Variants in SKAP2 observed in about 807,000 individuals in gnomAD.
The protein encoded by SKAP2 is src kinase associated phosphoprotein 2.
A neutral mutation model predicts 54.9 loss-of-function variants in SKAP2; 28 were observed. The ratio of observed to expected loss-of-function variants is 0.51; its 90% CI spans 0.38 to 0.70. The LOEUF (loss-of-function observed/expected upper bound fraction) is 0.70, where lower values mean the gene tolerates loss of function less well. Among genes scored for constraint, SKAP2 ranks in the 30% least tolerant of loss-of-function variants. The pLI is 0.00. For synonymous variants in SKAP2, 137 were observed against 134.3 expected (o/e 1.02, Z -0.14); for missense variants, 356 against 424.1 (o/e 0.84, Z 1.41).
At chr7:26,689,787 T>C (rs1278800814) in intron 10 of SKAP2, among the ~76,000 whole-genome samples, 2 of 152,224 alleles carry the variant, frequency 1.3e-5, no homozygotes, top group Non-Finnish European at 2.9e-5. Context: ...AGAGCCTGTG[T>C]CAAGTTGACC....
At position 26,864,444 on chromosome 7, in the gene SKAP2, G is replaced by A. The variant is rs1175248145; in HGVS notation, c.-15C>T. The stretch of plus-strand genomic sequence containing the variant: ...GGGTTGGGCATGTTAGGGAGCGCAG[G>A]GCGTGCGGGGAAAGGACCTGCGCTG... On this transcript the variant is annotated 5_prime_UTR_variant, in exon 1 of 13. Transcript: ENST00000345317. The A allele has an allele frequency of 3.8e-6, 6 of 1,595,646 alleles. No individual in the cohort carries two copies. The African/African-American group carries it at 8.1e-5, about 22-fold the overall frequency.
intron 1 of SKAP2, 84 bp downstream of exon 1, chr7:26,864,279 G>C (rs985147489): frequency 6.5e-7 from 1 of 1,532,578 alleles, no homozygotes. Flanking sequence ...GGAGGATAAG[G>C]GCTCTGAATG....
intron 4 of SKAP2, among the ~76,000 whole-genome samples, chr7:26,797,187 G>A (rs949639394): frequency 6.6e-6 from 1 of 152,224 alleles, no homozygotes; most frequent in African/African-American, 2.4e-5. Flanking sequence ...GCTAATTGTA[G>A]AGCCCCAGGG....
chr7:26,831,781 T>C (rs1360220236), intron 4 of SKAP2, among the ~76,000 whole-genome samples: 3 of 152,082 alleles, frequency 2.0e-5, no homozygotes, highest in African/African-American at 4.8e-5. Context: ...AACTACTATG[T>C]TTCATTTTTA....
intron 4 of SKAP2, among the ~76,000 whole-genome samples, chr7:26,757,166 CTT>C (rs1478917393): frequency 1.3e-5 from 2 of 152,242 alleles, no homozygotes; most frequent in East Asian, 1.9e-4. Flanking sequence ...TGCAGAAGCT[CTT>C]GAGTTTAATT....
chr7:26,685,865 A>G (rs1786627650), intron 10 of SKAP2, among the ~76,000 whole-genome samples: 1 of 152,222 alleles, frequency 6.6e-6, no homozygotes, highest in Middle Eastern at 3.2e-3. Context: ...AATATCAATA[A>G]GATGTCCGTG....
At chr7:26,746,753 C>T (rs1782567543) in intron 4 of SKAP2, 1 of 151,694 alleles carries the variant, frequency 6.6e-6, no homozygotes, top group African/African-American at 2.4e-5. Context: ...AATATATCCA[C>T]ACTACTATTT....
Position 26,670,955 on chromosome 7 carries a change from T to C in SKAP2, c.988-763A>G, listed in dbSNP as rs1170274808. ...TATCTCAAGGTATAAAGGCAAAATA[T>C]TAATCTACCTCTAAAACAGAGTGGT... is the stretch of plus-strand genomic sequence containing the variant. On this transcript the variant is annotated intron_variant, in intron 11 of 12. Transcript: ENST00000345317. Among the ~76,000 whole-genome samples the C allele has an allele frequency of 3.3e-5, 5 of 152,032 alleles. No homozygotes were observed. The East Asian group carries it at 7.7e-4, about 23-fold the overall frequency.
At chr7:26,671,623 C>T (rs1409833273) in intron 11 of SKAP2, among the ~76,000 whole-genome samples, 4 of 151,920 alleles carry the variant, frequency 2.6e-5, no homozygotes, top group Admixed American at 1.3e-4. Flanking sequence ...GAAAAGACCA[C>T]TCCTGCTATT....
intron 4 of SKAP2, 37 bp downstream of exon 4, chr7:26,843,993 T>C (rs1784869602): frequency 8.0e-7 from 1 of 1,246,864 alleles, no homozygotes; most frequent in Admixed American, 1.7e-5. Flanking sequence ...CATTGTTTTG[T>C]GTGAGTGTCA....
intron 4 of SKAP2, among the ~76,000 whole-genome samples, chr7:26,771,772 A>G (rs969722874): frequency 2.6e-5 from 4 of 152,338 alleles, no homozygotes; most frequent in South Asian, 4.1e-4. Flanking sequence ...CAATATTTTT[A>G]TAGAAAATAA....
intron 4 of SKAP2, among the ~76,000 whole-genome samples, chr7:26,779,978 G>A (rs555637015): frequency 6.6e-6 from 1 of 152,072 alleles, no homozygotes; most frequent in East Asian, 1.9e-4. Flanking sequence ...AGCAATTAGG[G>A]TCAACCAAAG....
At chr7:26,813,240 A>G in intron 4 of SKAP2, among the ~76,000 whole-genome samples, 1 of 152,182 alleles carries the variant, frequency 6.6e-6, no homozygotes, top group East Asian at 1.9e-4. Flanking sequence ...TGAACCTGCT[A>G]GGCACAAAAG....
At position 26,718,112 on chromosome 7, in the gene SKAP2, T is replaced by C. The variant is rs143361192; in HGVS notation, c.796+7316A>G. Among the ~76,000 whole-genome samples, 494 of 152,220 alleles carry C rather than the reference T, an allele frequency of 3.2e-3. 5 individuals carry two copies. Among genetic ancestry groups the C allele is most frequent in the African/African-American group, 0.011 (465 of 41,562 alleles). On this transcript the variant is annotated intron_variant, in intron 9 of 12. Coordinates refer to ENST00000345317, the MANE Select transcript of SKAP2 (RefSeq NM_003930.5). The stretch of plus-strand genomic sequence containing the variant: ...GGCTTAGGCCAAAAAGGGCACTCCT[T>C]TGAGGCCTGTGTAAGGATGCTGGGG...
chr7:26,839,735 T>C (rs1784783151), intron 4 of SKAP2, among the ~76,000 whole-genome samples: 1 of 152,102 alleles, frequency 6.6e-6, no homozygotes, highest in South Asian at 2.1e-4. Flanking sequence ...ATTTCGTGGC[T>C]TTTGTAAGAA....
In SKAP2 at chr7:26,862,686, G is replaced by A. The variant is rs973221053; in HGVS notation, c.67+1677C>T. Among the ~76,000 whole-genome samples the A allele has an allele frequency of 2.6e-5, 4 of 152,014 alleles. No homozygotes were observed. In the East Asian group the frequency reaches 7.7e-4, roughly 29 times the overall value. On this transcript the variant is annotated intron_variant, in intron 1 of 12. Transcript: ENST00000345317. The stretch of plus-strand genomic sequence containing the variant: ...CAAATAAGGGCCACAGGAAATACTT[G>A]TGATCTATGGGGATAAGAGAATAAA...
intron 4 of SKAP2, among the ~76,000 whole-genome samples, chr7:26,749,569 A>G (rs1160888933): frequency 6.6e-6 from 1 of 151,686 alleles, no homozygotes; most frequent in Non-Finnish European, 1.5e-5. Context: ...GTAACACAGC[A>G]ACACCCCATC....
chr7:26,856,772 A>C (rs1163913541), intron 1 of SKAP2, among the ~76,000 whole-genome samples: 2 of 152,184 alleles, frequency 1.3e-5, no homozygotes, highest in African/African-American at 4.8e-5. Flanking sequence ...TGACTGGGGA[A>C]TAGTCTGCTT....
chr7:26,705,880 A>G (rs952713261), intron 9 of SKAP2, among the ~76,000 whole-genome samples: 1 of 152,236 alleles, frequency 6.6e-6, no homozygotes, highest in African/African-American at 2.4e-5. Context: ...AAAAGTTAAA[A>G]TCAAAACAAA....
Sources: gnomAD v4.1 joint callset for allele counts (sites outside exome capture counted in the v4.1 genomes callset) on GRCh38, gnomAD v4.1.1 for gene constraint, MANE v1.5 for transcripts, NCBI Gene and HGNC (gene_info 2026-07-23, HGNC 2026-07-21) for gene names.